POFUT3: variants seen among roughly 807,000 people sequenced by gnomAD.
POFUT3 encodes the protein GDP-fucose protein O-fucosyltransferase 3.
the POFUT3 span, chr8:33,436,784 A>T: frequency 3.2e-5 from 16 of 499,128 alleles, no homozygotes; most frequent in Admixed American, 2.3e-4. Flanking sequence ...ATAGCGGCCA[A>T]TTTTTTTCAA....
At chr8:33,308,676 A>G in the POFUT3 span, among the ~76,000 whole-genome samples, 5 of 152,194 alleles carry the variant, frequency 3.3e-5, no homozygotes, top group African/African-American at 1.2e-4. Context: ...CTGTATTTCA[A>G]TCTATTCCTA....
At chr8:33,331,572 A>G in the POFUT3 span, among the ~76,000 whole-genome samples, 1 of 152,190 alleles carries the variant, frequency 6.6e-6, no homozygotes, top group Admixed American at 6.5e-5. Flanking sequence ...CTGTAATCTC[A>G]GCACTTTGGG....
chr8:33,355,710 G>A, the POFUT3 span, among the ~76,000 whole-genome samples: 2 of 151,544 alleles, frequency 1.3e-5, no homozygotes, highest in East Asian at 1.9e-4. Flanking sequence ...TAGGGTACAT[G>A]TGCACAATGT....
At chr8:33,388,842 G>A in the POFUT3 span, 10 of 805,156 alleles carry the variant, frequency 1.2e-5, no homozygotes, top group South Asian at 4.8e-5. Flanking sequence ...TGCAAAGCCC[G>A]GTCTTTCTGA....
At chr8:33,372,076 G>T in the POFUT3 span, 2 of 834,858 alleles carry the variant, frequency 2.4e-6, no homozygotes, top group Non-Finnish European at 2.9e-6. Context: ...AGTGGATAGT[G>T]GATAAACTTG....
the POFUT3 span, among the ~76,000 whole-genome samples, chr8:33,333,640 T>C: frequency 6.6e-6 from 1 of 151,880 alleles, no homozygotes; most frequent in African/African-American, 2.4e-5. Context: ...AATAGTGGGG[T>C]ACACTTGAGG....
chr8:33,389,149 A>G, the POFUT3 span: 1 of 1,614,212 alleles, frequency 6.2e-7, no homozygotes, highest in Non-Finnish European at 8.5e-7. Flanking sequence ...ATCTGTCATC[A>G]GAATCCAGTC....
the POFUT3 span, among the ~76,000 whole-genome samples, chr8:33,449,227 TATCTGATGGAGAGGA>T: frequency 2.0e-5 from 3 of 151,720 alleles, no homozygotes; most frequent in African/African-American, 7.3e-5. Context: ...AGAAGGGCTT[TATCTGATGGAGAGGA>T]ATCAGGAATG....
At chr8:33,374,375 G>T in the POFUT3 span, among the ~76,000 whole-genome samples, 1 of 152,104 alleles carries the variant, frequency 6.6e-6, no homozygotes, top group African/African-American at 2.4e-5. Context: ...TAGACAAACC[G>T]TATGAAGGGA....
chr8:33,447,499 A>T, the POFUT3 span, among the ~76,000 whole-genome samples: 4 of 152,110 alleles, frequency 2.6e-5, no homozygotes, highest in Non-Finnish European at 5.9e-5. Context: ...TCAATAAACT[A>T]GTCTAAAAAA....
At chr8:33,372,909 C>G in the POFUT3 span, 3 of 1,003,446 alleles carry the variant, frequency 3.0e-6, no homozygotes, top group Non-Finnish European at 4.4e-6. Context: ...CTCCATGGAG[C>G]TAAAGGGGAA....
At chr8:33,314,090 A>G in the POFUT3 span, among the ~76,000 whole-genome samples, 1 of 152,198 alleles carries the variant, frequency 6.6e-6, no homozygotes, top group Non-Finnish European at 1.5e-5. Flanking sequence ...GCAAAGCTTT[A>G]AAGTGCTGAG....
At chr8:33,415,046 G>A in the POFUT3 span, among the ~76,000 whole-genome samples, 2 of 151,486 alleles carry the variant, frequency 1.3e-5, 1 homozygote, top group Non-Finnish European at 2.9e-5. Flanking sequence ...CAGATCACCT[G>A]AGTCCAGGAG....
At chr8:33,309,306 G>A in the POFUT3 span, among the ~76,000 whole-genome samples, 1 of 148,750 alleles carries the variant, frequency 6.7e-6, no homozygotes, top group African/African-American at 2.5e-5. Flanking sequence ...TATTATATCT[G>A]CATTGCCATT....
the POFUT3 span, chr8:33,453,428 G>A: frequency 3.7e-6 from 6 of 1,613,636 alleles, no homozygotes; most frequent in African/African-American, 5.3e-5. Flanking sequence ...ATGCGTAGGT[G>A]CTTCCTCCAT....
the POFUT3 span, among the ~76,000 whole-genome samples, chr8:33,366,327 G>A: frequency 6.6e-6 from 1 of 152,030 alleles, no homozygotes; most frequent in African/African-American, 2.4e-5. Context: ...GATGCGTGCA[G>A]CAAACCAACA....
the POFUT3 span, among the ~76,000 whole-genome samples, chr8:33,337,018 G>A: frequency 6.6e-6 from 1 of 152,110 alleles, no homozygotes; most frequent in South Asian, 2.1e-4. Flanking sequence ...ACATTCACCA[G>A]GAGTGAAGAG....
the POFUT3 span, among the ~76,000 whole-genome samples, chr8:33,354,403 A>C: frequency 8.3e-3 from 1,271 of 152,254 alleles, 10 homozygotes; most frequent in Non-Finnish European, 0.011. Flanking sequence ...TTTGAGTCTG[A>C]GGGCAGTAGG....
At chr8:33,408,414 C>G in the POFUT3 span, among the ~76,000 whole-genome samples, 2 of 151,968 alleles carry the variant, frequency 1.3e-5, no homozygotes, top group African/African-American at 4.8e-5. Context: ...TGGGACCTGT[C>G]AAGTTTACCA....
Sources: allele counts gnomAD v4.1 joint callset (sites outside exome capture counted in the v4.1 genomes callset), GRCh38; gene constraint gnomAD v4.1.1; transcripts MANE v1.5; gene names NCBI Gene and HGNC (gene_info 2026-07-23, HGNC 2026-07-21).